Variants in USP53 observed in about 807,000 individuals in gnomAD.
USP53 encodes the protein ubiquitin specific peptidase 53.
USP53 carries 71 observed loss-of-function variants against 94.9 expected under a neutral mutation model. The ratio of observed to expected loss-of-function variants is 0.75; its 90% CI spans 0.62 to 0.91. The LOEUF is 0.91. USP53 is among the 40% of genes least tolerant of loss of function. USP53 has a pLI of 0.00. For missense variants in USP53, 1,173 were observed against 1,281.0 expected (o/e 0.92, Z 1.29); for synonymous variants, 375 against 422.7 (o/e 0.89, Z 1.39).
intron 2 of USP53, among the ~76,000 whole-genome samples, chr4:119,216,224 T>C (rs1743725100): frequency 1.3e-5 from 2 of 151,832 alleles, no homozygotes; most frequent in Admixed American, 6.6e-5. Flanking sequence ...TACTAAAAAA[T>C]ACAAAAATTA....
chr4:119,237,125 C>A (rs1746867683), intron 4 of USP53, among the ~76,000 whole-genome samples: 1 of 152,174 alleles, frequency 6.6e-6, no homozygotes, highest in Non-Finnish European at 1.5e-5. Context: ...TGTCAATAAA[C>A]AGTAATATTT....
chr4:119,272,807 G>GA (rs1752043491), intron 16 of USP53: 1 of 152,152 alleles, frequency 6.6e-6, no homozygotes, highest in Non-Finnish European at 1.5e-5. Context: ...TCATGGAAGA[G>GA]ATATTTTCCC....
chr4:119,266,907 A>ATT (rs1751196912), intron 12 of USP53, among the ~76,000 whole-genome samples: 1 of 151,666 alleles, frequency 6.6e-6, no homozygotes, highest in Non-Finnish European at 1.5e-5. Flanking sequence ...TTCTGAGTTC[A>ATT]TTTTTTTGTT....
chr4:119,222,410 G>A (rs1398258445), intron 3 of USP53, among the ~76,000 whole-genome samples: 1 of 152,050 alleles, frequency 6.6e-6, no homozygotes, highest in Non-Finnish European at 1.5e-5. Context: ...CCTTCTAATT[G>A]TATTTTTGTA....
At chr4:119,224,602 G>A (rs543083701) in intron 3 of USP53, among the ~76,000 whole-genome samples, 1 of 152,340 alleles carries the variant, frequency 6.6e-6, no homozygotes, top group East Asian at 1.9e-4. Flanking sequence ...ACTAGAATTT[G>A]TGGAGCAGAA....
intron 17 of USP53, among the ~76,000 whole-genome samples, chr4:119,279,385 T>G (rs2149450059): frequency 6.7e-6 from 1 of 149,988 alleles, no homozygotes; most frequent in African/African-American, 2.5e-5. Flanking sequence ...GTGCCCCTGC[T>G]GGGGGGTGCC....
At chr4:119,213,379 C>A (rs1487770844) in intron 1 of USP53, among the ~76,000 whole-genome samples, 3 of 151,878 alleles carry the variant, frequency 2.0e-5, no homozygotes, top group Admixed American at 2.0e-4. Flanking sequence ...GGTGGTTTCT[C>A]AGTGGTAGTG....
chr4:119,223,283 T>G (rs565016174), intron 3 of USP53, among the ~76,000 whole-genome samples: 99 of 152,248 alleles, frequency 6.5e-4, no homozygotes, highest in Non-Finnish European at 1.3e-3. Context: ...GAGGGGTATA[T>G]GTCATTATTT....
Position 119,271,732 on chromosome 4 carries a change from T to A in USP53, c.1872T>A (p.Ser624Arg). ...SNKPKSSKDP[S>R]FSNWPKENPK... ...AGCCTAAATCTAGCAAGGATCCGAG[T>A]TTTAGTAATTGGCCAAAAGAGAATC... The change falls in exon 16 of 19, where the codon AGT (serine) becomes AGA (arginine). Residue 624 changes from serine (S) to arginine (R), a missense_variant. Coordinates refer to ENST00000692078, the MANE Select transcript of USP53 (RefSeq NM_001371395.1). 2 of 1,613,642 alleles carry A rather than the reference T, an allele frequency of 1.2e-6. No homozygotes were observed. The highest frequency in any genetic ancestry group is 1.7e-6 in the Non-Finnish European group (2 of 1,179,922).
At chr4:119,222,334 A>T (rs77835014) in intron 3 of USP53, among the ~76,000 whole-genome samples, 2,396 of 152,262 alleles carry the variant, frequency 0.016, 65 homozygotes, top group African/African-American at 0.054. Flanking sequence ...CCTTGTAGTT[A>T]TTTTGAAATA....
In USP53 at chr4:119,259,832, A is replaced by T; in HGVS notation, c.582A>T (p.Glu194Asp). The change falls in exon 10 of 19, where the codon GAA (glutamate) becomes GAT (aspartate). Residue 194 changes from glutamate (E) to aspartate (D), a missense_variant. By Grantham distance (45) the Glu-to-Asp change is conservative. Transcript: ENST00000692078. ...TCTTTTTTTGTAGCAATGAGGTTGAAAGAATGTTGGAAAGGCATGAACGCT... is the reference window on the plus strand; with the variant it reads ...TCTTTTTTTGTAGCAATGAGGTTGATAGAATGTTGGAAAGGCATGAACGCT... ...ISTTALCNEV[E>D]RMLERHERFK... is the part of the protein sequence containing the mutation. 6.2e-7 allele frequency: 1 copy of T among 1,609,840 alleles called. No homozygotes were observed. The highest frequency in any genetic ancestry group is 8.5e-7 in the Non-Finnish European group (1 of 1,178,108).
chr4:119,224,094 A>C (rs2149274582), intron 3 of USP53, among the ~76,000 whole-genome samples: 1 of 152,124 alleles, frequency 6.6e-6, no homozygotes, highest in African/African-American at 2.4e-5. Flanking sequence ...TCATTTTCTG[A>C]GTTCAAGCAA....
chr4:119,216,953 G>A (rs568899505), intron 2 of USP53, among the ~76,000 whole-genome samples: 9 of 152,222 alleles, frequency 5.9e-5, no homozygotes, highest in Admixed American at 1.3e-4. Flanking sequence ...GCCTGCATTC[G>A]TTGAATGCCT....
chr4:119,231,741 A>G (rs1285503892), intron 3 of USP53, among the ~76,000 whole-genome samples: 1 of 152,110 alleles, frequency 6.6e-6, no homozygotes, highest in Non-Finnish European at 1.5e-5. Context: ...ACCAGGCACA[A>G]ACTTCCAATT....
intron 3 of USP53, among the ~76,000 whole-genome samples, chr4:119,230,273 C>G (rs1234771768): frequency 6.6e-6 from 1 of 152,122 alleles, no homozygotes; most frequent in Non-Finnish European, 1.5e-5. Context: ...TTCACACATA[C>G]ATTGTTTTAC....
At chr4:119,254,086 C>T (rs1232435430) in intron 7 of USP53, among the ~76,000 whole-genome samples, 1 of 152,124 alleles carries the variant, frequency 6.6e-6, no homozygotes, top group Non-Finnish European at 1.5e-5. Context: ...CAGAGAAATC[C>T]ACCGTTAGTC....
In USP53 at chr4:119,214,212, A is replaced by G. The variant is rs1041703418; in HGVS notation, c.-799A>G. 2 of 152,070 alleles carry G rather than the reference A, an allele frequency of 1.3e-5. No individual in the cohort carries two copies. The highest frequency in any genetic ancestry group is 4.8e-5 in the African/African-American group (2 of 41,410). 9.4% of individuals were successfully genotyped at this position (152,070 alleles called of 1,614,324 possible). The stretch of plus-strand genomic sequence containing the variant: ...CTGTTGTCATAAGAATTCCAAATAG[A>G]CAAACTCGGTGTAAGTAGGAGTTAA... On this transcript the variant is annotated 5_prime_UTR_variant, in exon 2 of 19. Transcript: ENST00000692078.
At chr4:119,284,655 A>G (rs1048464676) in intron 17 of USP53, among the ~76,000 whole-genome samples, 2 of 151,878 alleles carry the variant, frequency 1.3e-5, no homozygotes, top group South Asian at 4.1e-4. Context: ...TTTATTTCCA[A>G]GTAAAAAGTT....
intron 3 of USP53, among the ~76,000 whole-genome samples, chr4:119,226,336 A>T (rs969483324): frequency 2.6e-5 from 4 of 152,226 alleles, no homozygotes; most frequent in Admixed American, 6.5e-5. Flanking sequence ...TAGGGCAAGA[A>T]CAAGATGAAA....
Sources: allele counts gnomAD v4.1 joint callset (sites outside exome capture counted in the v4.1 genomes callset), GRCh38; gene constraint gnomAD v4.1.1; transcripts MANE v1.5; gene names NCBI Gene and HGNC (gene_info 2026-07-23, HGNC 2026-07-21).